MACROD2: variants seen among roughly 807,000 people sequenced by gnomAD.
MACROD2 encodes mono-ADP ribosylhydrolase 2.
A neutral mutation model predicts 70.4 loss-of-function variants in MACROD2; 36 were observed. That is an observed-to-expected ratio of 0.51 (90% confidence interval 0.39 to 0.68). The LOEUF (loss-of-function observed/expected upper bound fraction) is 0.68. Among genes scored for constraint, MACROD2 ranks in the 30% least tolerant of loss-of-function variants. MACROD2 has a pLI of 0.00. For synonymous variants in MACROD2, 172 were observed against 178.8 expected, an observed-to-expected ratio of 0.96 and a Z score of 0.30; for missense variants, 496 against 538.4, an observed-to-expected ratio of 0.92 and a Z score of 0.78.
At chr20:14,960,343 C>T (rs2074572795) in intron 5 of MACROD2, among the ~76,000 whole-genome samples, 1 of 152,108 alleles carries the variant, frequency 6.6e-6, no homozygotes, top group South Asian at 2.1e-4. Context: ...GAGAATGTTC[C>T]CCCAGCAGAA....
At chr20:14,220,257 C>G (rs1433426975) in intron 3 of MACROD2, among the ~76,000 whole-genome samples, 3 of 151,936 alleles carry the variant, frequency 2.0e-5, no homozygotes, top group African/African-American at 4.8e-5. Context: ...AGTTGTTTAC[C>G]TAGGAGGATT....
chr20:15,107,895 A>G (rs1340913225), intron 5 of MACROD2, among the ~76,000 whole-genome samples: 2 of 152,078 alleles, frequency 1.3e-5, no homozygotes, highest in East Asian at 1.9e-4. Flanking sequence ...AAAGACATGG[A>G]CTAATTGGTG....
At chr20:15,871,691 G>T (rs2064586522) in intron 9 of MACROD2, among the ~76,000 whole-genome samples, 1 of 152,190 alleles carries the variant, frequency 6.6e-6, no homozygotes, top group African/African-American at 2.4e-5. Context: ...CAAGGGTAGA[G>T]AAGTTCACGT....
At chr20:14,468,510 T>TC in intron 3 of MACROD2, among the ~76,000 whole-genome samples, 1 of 140,462 alleles carries the variant, frequency 7.1e-6, no homozygotes, top group Non-Finnish European at 1.6e-5. Flanking sequence ...TCTGTGTGTC[T>TC]TTTTTTGGGG....
At chr20:14,441,113 T>C (rs1319389374) in intron 3 of MACROD2, among the ~76,000 whole-genome samples, 1 of 152,224 alleles carries the variant, frequency 6.6e-6, no homozygotes, top group Non-Finnish European at 1.5e-5. Flanking sequence ...GGGGTGATCT[T>C]ATGATTTTCT....
At chr20:14,686,748 A>C (rs1344050326) in intron 5 of MACROD2, among the ~76,000 whole-genome samples, 3 of 152,180 alleles carry the variant, frequency 2.0e-5, no homozygotes, top group Non-Finnish European at 4.4e-5. Flanking sequence ...CTAAGGAGTC[A>C]CTTCTCAGAC....
At chr20:15,672,279 C>T (rs2049990107) in intron 8 of MACROD2, among the ~76,000 whole-genome samples, 1 of 151,642 alleles carries the variant, frequency 6.6e-6, no homozygotes, top group African/African-American at 2.4e-5. Context: ...CAAGAACTTG[C>T]ATAACCCTGA....
intron 5 of MACROD2, among the ~76,000 whole-genome samples, chr20:15,208,569 G>C (rs905221919): frequency 6.6e-6 from 1 of 152,108 alleles, no homozygotes; most frequent in Non-Finnish European, 1.5e-5. Flanking sequence ...CACACTCACA[G>C]GGAAAGGGGA....
chr20:14,000,957 C>T (rs755306787), intron 1 of MACROD2, among the ~76,000 whole-genome samples: 9 of 152,288 alleles, frequency 5.9e-5, no homozygotes, highest in Middle Eastern at 3.4e-3. Flanking sequence ...TTATAGTATT[C>T]ATACCTCCTT....
At chr20:15,157,134 C>A (rs1457595214) in intron 5 of MACROD2, among the ~76,000 whole-genome samples, 7 of 152,118 alleles carry the variant, frequency 4.6e-5, no homozygotes, top group East Asian at 1.9e-4. Flanking sequence ...AAACAATGGA[C>A]ATTTATTTTT....
At chr20:15,332,228 C>A (rs1313952393) in intron 6 of MACROD2, among the ~76,000 whole-genome samples, 1 of 151,424 alleles carries the variant, frequency 6.6e-6, no homozygotes, top group Non-Finnish European at 1.5e-5. Context: ...GCATTTGCTG[C>A]TAAAGTAATG....
chr20:15,396,247 C>G (rs1239202497), intron 6 of MACROD2, among the ~76,000 whole-genome samples: 1 of 152,184 alleles, frequency 6.6e-6, no homozygotes, highest in Non-Finnish European at 1.5e-5. Context: ...GAGTCACTAG[C>G]ATAGCAGTCA....
At chr20:14,854,455 G>T (rs1288858284) in intron 5 of MACROD2, among the ~76,000 whole-genome samples, 4 of 152,144 alleles carry the variant, frequency 2.6e-5, no homozygotes, top group South Asian at 4.1e-4. Flanking sequence ...TGGACTTAAC[G>T]CCTGGAATGT....
At chr20:14,653,054 A>G (rs1453729555) in intron 4 of MACROD2, among the ~76,000 whole-genome samples, 1 of 152,136 alleles carries the variant, frequency 6.6e-6, no homozygotes, top group African/African-American at 2.4e-5. Flanking sequence ...GCCTTAGCTC[A>G]TGAAATGAGG....
chr20:15,265,171 A>C (rs1469913807), intron 6 of MACROD2, among the ~76,000 whole-genome samples: 1 of 152,086 alleles, frequency 6.6e-6, no homozygotes, highest in African/African-American at 2.4e-5. Context: ...CTATTTGATC[A>C]CCCTGCAAGC....
chr20:15,496,613 G>T (rs951702582), intron 7 of MACROD2, among the ~76,000 whole-genome samples: 2 of 152,142 alleles, frequency 1.3e-5, no homozygotes, highest in African/African-American at 4.8e-5. Context: ...GTATTTATTC[G>T]TTTTTTATAG....
chr20:14,463,699 A>G (rs1019680000), intron 3 of MACROD2, among the ~76,000 whole-genome samples: 11 of 152,020 alleles, frequency 7.2e-5, no homozygotes, highest in Non-Finnish European at 1.6e-4. Context: ...TTATTTTGAG[A>G]TATGTCCCAT....
At chr20:14,983,719 C>T (rs1004363219) in intron 5 of MACROD2, among the ~76,000 whole-genome samples, 2 of 152,056 alleles carry the variant, frequency 1.3e-5, no homozygotes, top group African/African-American at 4.8e-5. Context: ...TGCCCAGTCT[C>T]GGGTATGTCT....
At chr20:15,608,595 T>G (rs1029067612) in intron 8 of MACROD2, among the ~76,000 whole-genome samples, 1 of 152,224 alleles carries the variant, frequency 6.6e-6, no homozygotes, top group African/African-American at 2.4e-5. Flanking sequence ...TTGATACATT[T>G]AAGTCATTGA....
Sources: allele counts gnomAD v4.1 joint callset (sites outside exome capture counted in the v4.1 genomes callset), GRCh38; gene constraint gnomAD v4.1.1; transcripts MANE v1.5; gene names NCBI Gene and HGNC (gene_info 2026-07-23, HGNC 2026-07-21).